Variants in CCDC178 observed in about 807,000 individuals in gnomAD.
CCDC178 encodes the protein coiled-coil domain containing 178, also known as coiled-coil domain-containing protein 178.
CCDC178 carries 126 observed loss-of-function variants against 117.4 expected under a neutral mutation model. The ratio of observed to expected loss-of-function variants is 1.07; its 90% CI spans 0.93 to 1.24. CCDC178 has a LOEUF of 1.24. Ranked by LOEUF, CCDC178 falls within the 50% of genes most tolerant of loss-of-function variation. CCDC178 has a pLI of 0.00. For missense variants in CCDC178, 1,030 were observed against 986.9 expected, an observed-to-expected ratio of 1.04 and a Z score of -0.59; for synonymous variants, 283 against 313.4, an observed-to-expected ratio of 0.90 and a Z score of 1.02.
chr18:33,440,762 G>GGGCGGC (rs752318973), upstream of CCDC178: 8 of 154,480 alleles, frequency 5.2e-5, no homozygotes, highest in East Asian at 1.9e-4. Context: ...GCAACCGCGG[G>GGGCGGC]GGCGGCGGCG....
chr18:32,942,774 A>G (rs1367799735), intron 22 of CCDC178, among the ~76,000 whole-genome samples: 1 of 152,154 alleles, frequency 6.6e-6, no homozygotes, highest in African/African-American at 2.4e-5. Context: ...AATGCTTCGC[A>G]GTGCACTCTT....
Position 33,162,897 on chromosome 18 carries a change from G to A in CCDC178, c.2238+48999C>T, listed in dbSNP as rs539070116. ...GTGAATAGTGCTGCAATGAATGTTC[G>A]TGTGTATGTGTCTTTAGGGTAGACG... is the stretch of plus-strand genomic sequence containing the variant. On this transcript the variant is annotated intron_variant, in intron 20 of 22. Coordinates refer to ENST00000383096, the MANE Select transcript of CCDC178 (RefSeq NM_001105528.4). 6.7e-4 allele frequency among the ~76,000 whole-genome samples: 102 copies of A among 152,202 alleles called. 1 individual carries two copies. The highest frequency in any genetic ancestry group is 2.1e-3 in the African/African-American group (89 of 41,538).
intron 20 of CCDC178, among the ~76,000 whole-genome samples, chr18:33,178,848 C>A (rs2058694051): frequency 6.6e-6 from 1 of 151,114 alleles, no homozygotes; most frequent in Admixed American, 6.6e-5. Flanking sequence ...GATTTAGATG[C>A]TTCTTCTTGA....
chr18:33,233,100 A>C (rs564175399), intron 15 of CCDC178, among the ~76,000 whole-genome samples: 9 of 152,310 alleles, frequency 5.9e-5, no homozygotes, highest in African/African-American at 2.2e-4. Flanking sequence ...TGTTGACCTC[A>C]TGAACCATGT....
At chr18:33,070,998 T>G (rs2144996472) in intron 21 of CCDC178, among the ~76,000 whole-genome samples, 1 of 152,140 alleles carries the variant, frequency 6.6e-6, no homozygotes, top group South Asian at 2.1e-4. Flanking sequence ...TCAAATCAAT[T>G]AAGGATAAGA....
chr18:33,270,430 C>T (rs1042887820), intron 12 of CCDC178, among the ~76,000 whole-genome samples: 4 of 151,464 alleles, frequency 2.6e-5, no homozygotes, highest in African/African-American at 7.3e-5. Flanking sequence ...AAGATATATA[C>T]TCGAGATACA....
rs146394812 is a variant in CCDC178 at position 33,002,128 on chromosome 18, G to A, written c.2389-27447C>T. Among the ~76,000 whole-genome samples, 610 of 152,214 alleles carry A rather than the reference G, an allele frequency of 4.0e-3. 3 individuals carry two copies. Among genetic ancestry groups the A allele is most frequent in the Middle Eastern group, 0.014 (4 of 294 alleles). Reference sequence around the variant, plus strand: ...CAGCATTGGGCAGCTGTCTCAGACAGAAAATTAACAAGAAAATATCAGATG... The same window carrying A: ...CAGCATTGGGCAGCTGTCTCAGACAAAAAATTAACAAGAAAATATCAGATG... On this transcript the variant is annotated intron_variant, in intron 21 of 22. Coordinates refer to ENST00000383096, the MANE Select transcript of CCDC178 (RefSeq NM_001105528.4).
rs551953457 is a variant in CCDC178 at position 33,238,040 on chromosome 18, T to C, written c.1593+7205A>G. Among the ~76,000 whole-genome samples the C allele has an allele frequency of 3.3e-5, 5 of 152,334 alleles. No homozygotes were observed. The East Asian group carries it at 9.7e-4, about 29-fold the overall frequency. Reference sequence around the variant, plus strand: ...CAAGTGAGACACTTGCAAATGTCACTAGCATAGATTACAGCTGAAGAAACT... The same window carrying C: ...CAAGTGAGACACTTGCAAATGTCACCAGCATAGATTACAGCTGAAGAAACT... On this transcript the variant is annotated intron_variant, in intron 15 of 22. Transcript: ENST00000383096.
intron 18 of CCDC178, 39 bp downstream of exon 18, chr18:33,223,067 C>G: frequency 6.9e-7 from 1 of 1,446,488 alleles, no homozygotes. Context: ...CATACATAAA[C>G]TGTAAATTCA....
At chr18:33,147,146 T>C (rs1338338156) in intron 20 of CCDC178, among the ~76,000 whole-genome samples, 4 of 150,080 alleles carry the variant, frequency 2.7e-5, no homozygotes, top group Non-Finnish European at 4.4e-5. Context: ...GATTTCTTTT[T>C]TTTTTTTTTT....
At position 33,234,075 on chromosome 18, in the gene CCDC178, C is replaced by T. The variant is rs543712313; in HGVS notation, c.1594-7220G>A. 1.1e-4 allele frequency among the ~76,000 whole-genome samples: 17 copies of T among 152,180 alleles called. No homozygotes were observed. The East Asian group carries it at 3.3e-3, about 29-fold the overall frequency. ...AAGCTAAATAAAGTTTTATTATATT[C>T]TCAAATGTTTTGTACTATCAAGATC... is the stretch of plus-strand genomic sequence containing the variant. On this transcript the variant is annotated intron_variant, in intron 15 of 22. Coordinates refer to ENST00000383096, the MANE Select transcript of CCDC178 (RefSeq NM_001105528.4).
intron 2 of CCDC178, among the ~76,000 whole-genome samples, chr18:33,420,520 A>G (rs988683850): frequency 2.6e-5 from 4 of 151,962 alleles, no homozygotes; most frequent in Non-Finnish European, 5.9e-5. Context: ...CACTCGGCTA[A>G]TTTTCTGTAT....
intron 12 of CCDC178, 76 bp from the exon 13 acceptor site, chr18:33,267,373 C>A: frequency 2.4e-6 from 2 of 820,718 alleles, no homozygotes; most frequent in Non-Finnish European, 1.9e-6. Flanking sequence ...ATAAATTAAT[C>A]ATGATAAAGT....
chr18:33,237,929 T>G (rs1449551034), intron 15 of CCDC178, among the ~76,000 whole-genome samples: 1 of 152,204 alleles, frequency 6.6e-6, no homozygotes, highest in East Asian at 1.9e-4. Flanking sequence ...ACCCATCATG[T>G]GTACACATGT....
At chr18:33,052,004 T>C (rs530824875) in intron 21 of CCDC178, among the ~76,000 whole-genome samples, 27 of 152,302 alleles carry the variant, frequency 1.8e-4, no homozygotes, top group Admixed American at 1.6e-3. Context: ...TTTCATGAAA[T>C]GTAATATGTT....
chr18:33,412,635 A>G (rs999793939), intron 2 of CCDC178, among the ~76,000 whole-genome samples: 1 of 152,242 alleles, frequency 6.6e-6, no homozygotes, highest in Middle Eastern at 3.4e-3. Flanking sequence ...TGTCTCACCT[A>G]CTTCTGATAA....
chr18:33,360,843 G>C (rs2063115203), intron 6 of CCDC178, among the ~76,000 whole-genome samples: 1 of 151,574 alleles, frequency 6.6e-6, no homozygotes, highest in Admixed American at 6.6e-5. Flanking sequence ...AAGAAATTGA[G>C]CGTGATGCAA....
chr18:33,109,450 T>C (rs1019714398), intron 20 of CCDC178, among the ~76,000 whole-genome samples: 9 of 151,644 alleles, frequency 5.9e-5, no homozygotes, highest in Non-Finnish European at 1.3e-4. Flanking sequence ...AAGGTTGTGG[T>C]CGATGGGTTT....
chr18:33,402,485 T>G (rs1472874977), intron 3 of CCDC178, among the ~76,000 whole-genome samples: 1 of 152,328 alleles, frequency 6.6e-6, no homozygotes, highest in East Asian at 1.9e-4. Context: ...GCCTCATTCC[T>G]AAAGAACTGT....
Sources: allele counts gnomAD v4.1 joint callset (sites outside exome capture counted in the v4.1 genomes callset), GRCh38; gene constraint gnomAD v4.1.1; transcripts MANE v1.5; gene names NCBI Gene and HGNC (gene_info 2026-07-23, HGNC 2026-07-21).